The following XKR6 variants were observed in gnomAD, a reference collection of about 807,000 sequenced individuals.
The protein encoded by XKR6 is XK-related protein 6.
Under a neutral mutation model 56.7 loss-of-function variants are expected in XKR6, and 22 were observed. The ratio of observed to expected loss-of-function variants is 0.39; its 90% confidence interval spans 0.28 to 0.55. XKR6 has a LOEUF of 0.55. XKR6 is among the 20% of genes least tolerant of loss of function. XKR6 has a pLI of 0.66. For synonymous variants in XKR6, 524 were observed against 387.8 expected, an observed-to-expected ratio of 1.35 and a Z score of -4.13; for missense variants, 852 against 889.0, an observed-to-expected ratio of 0.96 and a Z score of 0.53.
chr8:11,049,710 G>A (rs1021431683), intron 1 of XKR6, among the ~76,000 whole-genome samples: 2 of 152,196 alleles, frequency 1.3e-5, no homozygotes, highest in African/African-American at 4.8e-5. Context: ...GAAACACCTG[G>A]CTGATAAAAA....
chr8:11,144,223 AGTGTGTGT>A (rs35351104), intron 1 of XKR6, among the ~76,000 whole-genome samples: 20 of 136,420 alleles, frequency 1.5e-4, no homozygotes, highest in Middle Eastern at 3.3e-3. Context: ...TTAAATAAAA[AGTGTGTGT>A]GTGTGTGTGT....
chr8:11,113,193 G>A (rs1798992150), intron 1 of XKR6, among the ~76,000 whole-genome samples: 1 of 152,130 alleles, frequency 6.6e-6, no homozygotes, highest in South Asian at 2.1e-4. Context: ...TGAAAGAAAT[G>A]AAGTGGCGTA....
chr8:11,030,156 C>T (rs562504899), intron 1 of XKR6, among the ~76,000 whole-genome samples: 4 of 152,296 alleles, frequency 2.6e-5, no homozygotes, highest in Non-Finnish European at 5.9e-5. Context: ...CTCAGTCCAC[C>T]CCCTCTCTGT....
rs138365092 is a variant in XKR6 at position 11,086,133 on chromosome 8, A to AATATATATATATATATATATAT, written c.764+114442_764+114443insATATATATATATATATATATAT. Among the ~76,000 whole-genome samples, 211 of 90,032 alleles carry AATATATATATATATATATATAT rather than the reference A, an allele frequency of 2.3e-3. 1 individual carries two copies. The highest frequency in any genetic ancestry group is 0.011 in the African/African-American group (192 of 17,520). The allele number at this position is 90,032 out of a possible 152,430, so 59.1% of individuals were successfully genotyped here. ...CTCAATTGTGTTTTTTTAAAAAGAA[A>AATATATATATATATATATATAT]ATATATATATATATATTTTTTTTTA... On this transcript the variant is annotated intron_variant, in intron 1 of 2. Transcript: ENST00000416569.
intron 1 of XKR6, among the ~76,000 whole-genome samples, chr8:10,980,418 C>A (rs755979737): frequency 9.2e-5 from 14 of 152,206 alleles, no homozygotes; most frequent in Non-Finnish European, 2.1e-4. Flanking sequence ...TTGATCTAAC[C>A]TGGCTTATAA....
chr8:11,200,996 G>A lies in XKR6; in HGVS notation c.344C>T (p.Pro115Leu). ...RQPPTPSAARPEPPPPQVERP... is the reference protein window; with the variant it reads ...RQPPTPSAARLEPPPPQVERP... Reference sequence around the variant, plus strand: ...CTCCACCTGCGGCGGCGGCGGCTCCGGCCGCGCGGCCGAGGGCGTCGGGGG... The same window carrying A: ...CTCCACCTGCGGCGGCGGCGGCTCCAGCCGCGCGGCCGAGGGCGTCGGGGG... Residue 115 changes from proline (P) to leucine (L), a missense_variant, in exon 1 of 3, where the codon CCG becomes CTG. This residue lies in a region of XKR6 where 417 missense variants were observed against 355.2 expected (regional missense o/e 1.17). Transcript: ENST00000416569. This position sits in a 1 kb window ranked among gnomAD's most constrained non-coding sequence, Gnocchi z 6.4. The A allele has an allele frequency of 1.4e-6, 2 of 1,446,872 alleles. No individual in the cohort carries two copies. The highest frequency in any genetic ancestry group is 9.1e-7 in the Non-Finnish European group (1 of 1,099,144). 89.6% of individuals were successfully genotyped at this position (1,446,872 alleles called of 1,614,324 possible). A position where few individuals can be genotyped will look rare whatever the true frequency, so the allele number is the denominator to read the frequency against.
chr8:10,983,638 A>T (rs1239670973), intron 1 of XKR6, among the ~76,000 whole-genome samples: 2 of 151,112 alleles, frequency 1.3e-5, no homozygotes, highest in African/African-American at 4.9e-5. Context: ...ATAGAAAAAG[A>T]AAAGCTTACA....
intron 1 of XKR6, among the ~76,000 whole-genome samples, chr8:11,159,914 C>T (rs1446688346): frequency 6.6e-6 from 1 of 152,114 alleles, no homozygotes; most frequent in Non-Finnish European, 1.5e-5. Flanking sequence ...TATCTCATGA[C>T]CCCAAGGGCA....
chr8:10,932,938 C>T (rs1233764726), intron 1 of XKR6, among the ~76,000 whole-genome samples: 3 of 147,384 alleles, frequency 2.0e-5, no homozygotes, highest in Non-Finnish European at 4.5e-5. Context: ...TGGGTATATA[C>T]CCAGTAATGG....
chr8:11,079,733 C>A (rs1286456923), intron 1 of XKR6, among the ~76,000 whole-genome samples: 1 of 152,138 alleles, frequency 6.6e-6, no homozygotes, highest in East Asian at 1.9e-4. Context: ...GCCAATGTGG[C>A]AAGATTGCTT....
At chr8:11,107,672 C>G (rs1798730088) in intron 1 of XKR6, 1 of 152,806 alleles carries the variant, frequency 6.5e-6, no homozygotes, top group East Asian at 1.9e-4. Flanking sequence ...CACAATACTT[C>G]AAAAGCATGC....
At chr8:10,945,341 G>C (rs991364026) in intron 1 of XKR6, among the ~76,000 whole-genome samples, 3 of 152,166 alleles carry the variant, frequency 2.0e-5, no homozygotes, top group African/African-American at 7.2e-5. Flanking sequence ...AAAATTAGCT[G>C]GGCATGGTGG....
At chr8:10,994,913 A>T (rs973186026) in intron 1 of XKR6, among the ~76,000 whole-genome samples, 5 of 152,278 alleles carry the variant, frequency 3.3e-5, no homozygotes, top group Admixed American at 3.3e-4. Flanking sequence ...GGGGGAAGAG[A>T]AGACGGGGAT....
chr8:11,165,536 C>G (rs776239323), intron 1 of XKR6, among the ~76,000 whole-genome samples: 2 of 152,272 alleles, frequency 1.3e-5, no homozygotes, highest in Admixed American at 1.3e-4. Flanking sequence ...ATGGCATGCT[C>G]TCTTGGGCAT....
intron 1 of XKR6, among the ~76,000 whole-genome samples, chr8:10,975,439 C>G (rs544448130): frequency 2.6e-5 from 4 of 152,366 alleles, no homozygotes; most frequent in African/African-American, 9.6e-5. Flanking sequence ...CAGCCAAGAG[C>G]CGCCTTTGGT....
At chr8:11,063,259 G>A (rs948297385) in intron 1 of XKR6, among the ~76,000 whole-genome samples, 1 of 151,258 alleles carries the variant, frequency 6.6e-6, no homozygotes, top group Admixed American at 6.6e-5. Context: ...GTCTTCAGAG[G>A]GACAGAACTA....
chr8:10,916,212 T>C (rs1404526338), intron 2 of XKR6, among the ~76,000 whole-genome samples: 2 of 152,214 alleles, frequency 1.3e-5, no homozygotes, highest in African/African-American at 2.4e-5. Context: ...ACGTAGTGGA[T>C]TGGTTGTTTT....
intron 1 of XKR6, among the ~76,000 whole-genome samples, chr8:11,010,151 G>C (rs1218620730): frequency 6.6e-6 from 1 of 152,068 alleles, no homozygotes. Context: ...CTCTTATATG[G>C]CCACAACAGG....
chr8:11,041,399 T>C (rs1799282488), intron 1 of XKR6, among the ~76,000 whole-genome samples: 1 of 151,966 alleles, frequency 6.6e-6, no homozygotes, highest in South Asian at 2.1e-4. Context: ...CTACTAAAAA[T>C]ACAAAAACTA....
Sources: gnomAD v4.1 joint callset for allele counts (sites outside exome capture counted in the v4.1 genomes callset) on GRCh38, gnomAD v4.1.1 for gene constraint, gnomAD v4.1.1 regional missense constraint, Gnocchi (gnomAD v3.1) non-coding constraint, MANE v1.5 for transcripts, NCBI Gene and HGNC (gene_info 2026-07-23, HGNC 2026-07-21) for gene names.